AHI1: variants seen among roughly 807,000 people sequenced by gnomAD.
AHI1 encodes the protein jouberin.
Under a neutral mutation model 149.3 loss-of-function variants are expected in AHI1, and 123 were observed. The observed-to-expected ratio is 0.82, with a 90% CI of 0.71 to 0.96. The LOEUF (loss-of-function observed/expected upper bound fraction) is 0.96. Among genes scored for constraint, AHI1 ranks in the 40% least tolerant of loss-of-function variants. AHI1 has a pLI of 0.00. For synonymous variants in AHI1, 475 were observed against 459.8 expected (o/e 1.03, Z -0.42); for missense variants, 1,439 against 1,422.7 (o/e 1.01, Z -0.18).
At chr6:135,381,677 C>T (rs1177709555) in intron 23 of AHI1, among the ~76,000 whole-genome samples, 2 of 152,182 alleles carry the variant, frequency 1.3e-5, no homozygotes, top group Admixed American at 6.5e-5. Context: ...ACTAAGTGCA[C>T]TTTATAAGGA....
intron 5 of AHI1, among the ~76,000 whole-genome samples, chr6:135,478,230 G>A (rs566315495): frequency 2.6e-5 from 4 of 152,322 alleles, no homozygotes; most frequent in Admixed American, 2.0e-4. Context: ...GCAAAAGTTG[G>A]AACAGTTTGA....
Position 135,359,924 on chromosome 6 carries a change from G to C in AHI1, c.3110-1737C>G, listed in dbSNP as rs995273523. Among the ~76,000 whole-genome samples, 11 of 152,184 alleles carry C rather than the reference G, an allele frequency of 7.2e-5. No individual in the cohort carries two copies. In the East Asian group the frequency reaches 1.7e-3, roughly 24 times the overall value. On this transcript the variant is annotated intron_variant, in intron 23 of 28. Transcript: ENST00000265602. ...AACAAAAAAAACTCTACAGATTTTA[G>C]TGTTTCCATTTTAGGATAAGAATGT...
intron 24 of AHI1, among the ~76,000 whole-genome samples, chr6:135,333,081 C>A (rs1292457793): frequency 6.6e-6 from 1 of 152,240 alleles, no homozygotes; most frequent in Non-Finnish European, 1.5e-5. Context: ...TTGCTCCACA[C>A]ATGTGCAGAT....
chr6:135,394,614 T>TA (rs1778960545), intron 23 of AHI1, 162 bp downstream of exon 23: 14 of 987,900 alleles, frequency 1.4e-5, no homozygotes, highest in Non-Finnish European at 2.1e-5. Flanking sequence ...ACTTTTGAAA[T>TA]AACCTTGGTG....
At chr6:135,288,623 C>T (rs891778956) in intron 28 of AHI1, among the ~76,000 whole-genome samples, 1 of 151,854 alleles carries the variant, frequency 6.6e-6, no homozygotes, top group African/African-American at 2.4e-5. Flanking sequence ...AACATCTTTT[C>T]ATGTCCATAA....
At chr6:135,345,481 T>G (rs1454471276) in intron 24 of AHI1, among the ~76,000 whole-genome samples, 1 of 152,224 alleles carries the variant, frequency 6.6e-6, no homozygotes, top group African/African-American at 2.4e-5. Flanking sequence ...TGATAATATT[T>G]TTGGTCATCA....
chr6:135,369,093 C>T (rs1774643806), intron 23 of AHI1, among the ~76,000 whole-genome samples: 1 of 152,238 alleles, frequency 6.6e-6, no homozygotes, highest in Non-Finnish European at 1.5e-5. Flanking sequence ...GCCCACAGGG[C>T]TCTTCCCACT....
chr6:135,309,644 G>A (rs866235144), intron 26 of AHI1, among the ~76,000 whole-genome samples: 11 of 152,234 alleles, frequency 7.2e-5, no homozygotes, highest in Non-Finnish European at 1.2e-4. Context: ...ACCACACCCA[G>A]CTAATTTTGT....
intron 20 of AHI1, among the ~76,000 whole-genome samples, chr6:135,419,130 G>C (rs1156741681): frequency 6.6e-6 from 1 of 151,926 alleles, no homozygotes; most frequent in Non-Finnish European, 1.5e-5. Flanking sequence ...TTAGAACTTT[G>C]AAGTATTACT....
chr6:135,369,861 G>A (rs1774766241), intron 23 of AHI1, among the ~76,000 whole-genome samples: 1 of 151,526 alleles, frequency 6.6e-6, no homozygotes, highest in Admixed American at 6.6e-5. Flanking sequence ...TATTTTTTAG[G>A]ATTTCCATTT....
chr6:135,302,433 C>T (rs1261970306), intron 26 of AHI1: 13 of 995,376 alleles, frequency 1.3e-5, no homozygotes, highest in Non-Finnish European at 1.6e-5. Context: ...CAGGTCTTGC[C>T]AATTCTGCTA....
chr6:135,298,295 A>G lies in AHI1; in HGVS notation c.3485+2205T>C, dbSNP rs1783400987. On this transcript the variant is annotated intron_variant, in intron 27 of 28. Transcript: ENST00000265602. ...AATGTAACTTTACTAAAATGTGTAT[A>G]AATTGCTTGCATAGAAGTGACTGAC... is the stretch of plus-strand genomic sequence containing the variant. 4.6e-5 allele frequency among the ~76,000 whole-genome samples: 7 copies of G among 151,848 alleles called. No individual in the cohort carries two copies. In the South Asian group the frequency reaches 1.5e-3, roughly 32 times the overall value.
At position 135,442,683 on chromosome 6, in the gene AHI1, G is replaced by A. The variant is rs781198326; in HGVS notation, c.1811C>T (p.Ser604Leu). The A allele has an allele frequency of 6.2e-7, 1 of 1,611,114 alleles. No homozygotes were observed. The highest frequency in any genetic ancestry group is 8.5e-7 in the Non-Finnish European group (1 of 1,178,504). The change falls in exon 14 of 29, where the codon TCA (serine) becomes TTA (leucine). Residue 604 changes from serine (S) to leucine (L), a missense_variant. Ser to Leu is a moderately radical substitution (Grantham distance 145). Transcript: ENST00000265602. ...ACATCCTCGTTCTCCTGCATTTAGT[G>A]AGAAGAGGTGTTTGTTTGGGATACG... ...ACRIPNKHLF[S>L]LNAGERGCFC... is the part of the protein sequence containing the mutation.
chr6:135,482,982 C>G (rs1411331336), intron 5 of AHI1, among the ~76,000 whole-genome samples: 1 of 143,496 alleles, frequency 7.0e-6, no homozygotes, highest in African/African-American at 2.6e-5. Flanking sequence ...ACCTCCACCT[C>G]CCGGCTTCAA....
At chr6:135,488,476 A>G (rs926217304) in intron 5 of AHI1, among the ~76,000 whole-genome samples, 1 of 152,170 alleles carries the variant, frequency 6.6e-6, no homozygotes, top group Non-Finnish European at 1.5e-5. Flanking sequence ...AAAATTGCAG[A>G]GACTGTGGTC....
intron 10 of AHI1, among the ~76,000 whole-genome samples, chr6:135,454,928 A>G (rs1489145674): frequency 6.6e-6 from 1 of 152,190 alleles, no homozygotes; most frequent in Non-Finnish European, 1.5e-5. Context: ...GATCATAAAA[A>G]CAAGTAATTC....
intron 23 of AHI1, among the ~76,000 whole-genome samples, chr6:135,366,571 C>T (rs2128450188): frequency 6.6e-6 from 1 of 152,276 alleles, no homozygotes; most frequent in Admixed American, 6.5e-5. Context: ...GATTTGTATG[C>T]ATAAAGGCTT....
At chr6:135,383,496 T>C (rs969186390) in intron 23 of AHI1, among the ~76,000 whole-genome samples, 1 of 152,086 alleles carries the variant, frequency 6.6e-6, no homozygotes, top group Admixed American at 6.6e-5. Context: ...CGGGATTACA[T>C]TGGTATGGTA....
At chr6:135,400,461 C>CAA (rs996883987) in intron 22 of AHI1, among the ~76,000 whole-genome samples, 1 of 140,238 alleles carries the variant, frequency 7.1e-6, no homozygotes, top group African/African-American at 2.6e-5. Context: ...TGTAATACTT[C>CAA]AAAAAAAAAA....
Sources: gnomAD v4.1 joint callset for allele counts (sites outside exome capture counted in the v4.1 genomes callset) on GRCh38, gnomAD v4.1.1 for gene constraint, MANE v1.5 for transcripts, NCBI Gene and HGNC (gene_info 2026-07-23, HGNC 2026-07-21) for gene names.